The following THEMIS variants were observed in gnomAD, a reference collection of about 807,000 sequenced individuals.
THEMIS encodes protein THEMIS.
Under a neutral mutation model 52.6 loss-of-function variants are expected in THEMIS, and 37 were observed. That is an observed-to-expected ratio of 0.70 (90% CI 0.54 to 0.93). The LOEUF is 0.93. THEMIS is among the 40% of genes least tolerant of loss of function. The pLI is 0.00. For synonymous variants in THEMIS, 292 were observed against 272.7 expected, an observed-to-expected ratio of 1.07 and a Z score of -0.70; for missense variants, 808 against 763.1, an observed-to-expected ratio of 1.06 and a Z score of -0.69.
intron 5 of THEMIS, among the ~76,000 whole-genome samples, chr6:127,716,346 T>C (rs1774159060): frequency 6.6e-6 from 1 of 151,738 alleles, no homozygotes; most frequent in African/African-American, 2.4e-5. Flanking sequence ...CACATAATAA[T>C]CAGATCCTCC....
intron 1 of THEMIS, among the ~76,000 whole-genome samples, chr6:127,882,749 T>C (rs1310693837): frequency 1.3e-5 from 2 of 151,952 alleles, no homozygotes; most frequent in Non-Finnish European, 2.9e-5. Context: ...AAGCTTTTGT[T>C]TTGTCTAAGT....
chr6:127,724,563 C>A (rs1053216022), intron 4 of THEMIS, among the ~76,000 whole-genome samples: 3 of 152,038 alleles, frequency 2.0e-5, no homozygotes, highest in Non-Finnish European at 4.4e-5. Flanking sequence ...ATGCATCAGT[C>A]CTCTGTGACC....
At chr6:127,849,863 C>T (rs914369656) in intron 2 of THEMIS, among the ~76,000 whole-genome samples, 2 of 151,908 alleles carry the variant, frequency 1.3e-5, no homozygotes, top group Non-Finnish European at 2.9e-5. Context: ...ACACCAAAAG[C>T]AAATGCCACA....
Position 127,897,524 on chromosome 6 carries a change from C to T in THEMIS, c.91+3318G>A, listed in dbSNP as rs563785408. Among the ~76,000 whole-genome samples the T allele has an allele frequency of 1.9e-4, 28 of 151,232 alleles. No individual in the cohort carries two copies. In the South Asian group the frequency reaches 2.3e-3, roughly 12 times the overall value. On this transcript the variant is annotated intron_variant, in intron 1 of 5. Transcript: ENST00000368248. ...TGCAAAAAAGAGTATTTCCAAAAAT[C>T]CAAGAAATATATGAAAAGGTGCTCA... is the stretch of plus-strand genomic sequence containing the variant.
chr6:127,888,452 CCTATAAA>C (rs1780708962), intron 1 of THEMIS, among the ~76,000 whole-genome samples: 1 of 151,788 alleles, frequency 6.6e-6, no homozygotes, highest in Non-Finnish European at 1.5e-5. Context: ...TATGGGGTTC[CCTATAAA>C]GCATGGGGAA....
chr6:127,873,127 G>A (rs1780206209), intron 1 of THEMIS, among the ~76,000 whole-genome samples: 2 of 152,142 alleles, frequency 1.3e-5, no homozygotes, highest in Non-Finnish European at 2.9e-5. Flanking sequence ...AGATGTTGAT[G>A]TGAGAAATTA....
chr6:127,825,991 C>T (rs571749851), intron 3 of THEMIS, among the ~76,000 whole-genome samples: 4 of 152,120 alleles, frequency 2.6e-5, no homozygotes, highest in Non-Finnish European at 4.4e-5. Context: ...AATATTAATG[C>T]TTAGCCATAA....
intron 1 of THEMIS, among the ~76,000 whole-genome samples, chr6:127,898,923 A>G (rs975735725): frequency 6.6e-6 from 1 of 151,840 alleles, no homozygotes; most frequent in Admixed American, 6.6e-5. Context: ...AAAAATTGAT[A>G]TCATGGAGAT....
chr6:127,859,853 C>T (rs539475941), intron 1 of THEMIS, among the ~76,000 whole-genome samples: 1 of 152,168 alleles, frequency 6.6e-6, no homozygotes, highest in South Asian at 2.1e-4. Context: ...CTGATAGTGT[C>T]TGATAGAACC....
chr6:127,726,982 A>T (rs1401488099), intron 4 of THEMIS, among the ~76,000 whole-genome samples: 1 of 152,196 alleles, frequency 6.6e-6, no homozygotes, highest in Non-Finnish European at 1.5e-5. Flanking sequence ...TTTTAAGGAG[A>T]TAAAAATTCC....
chr6:127,903,750 G>A (rs1209399925), upstream of THEMIS, among the ~76,000 whole-genome samples: 5 of 143,780 alleles, frequency 3.5e-5, no homozygotes, highest in Non-Finnish European at 3.0e-5. Context: ...AAAAAAAAAA[G>A]CACATCCTTC....
intron 2 of THEMIS, among the ~76,000 whole-genome samples, chr6:127,848,421 A>G (rs1779298723): frequency 6.6e-6 from 1 of 151,930 alleles, no homozygotes; most frequent in South Asian, 2.1e-4. Flanking sequence ...ATGATTTATA[A>G]TCCTTTGGGT....
chr6:127,759,169 AC>A (rs2114376828), intron 4 of THEMIS, among the ~76,000 whole-genome samples: 1 of 152,290 alleles, frequency 6.6e-6, no homozygotes, highest in South Asian at 2.1e-4. Context: ...ATGAAGTAAT[AC>A]TTTTAAATAA....
chr6:127,906,655 A>G (rs1190094481), intron 1 of THEMIS, among the ~76,000 whole-genome samples: 5 of 151,964 alleles, frequency 3.3e-5, no homozygotes, highest in Non-Finnish European at 7.4e-5. Flanking sequence ...TAATAATTCA[A>G]ACAGGGAAGT....
chr6:127,877,491 G>A (rs917665940), intron 1 of THEMIS, among the ~76,000 whole-genome samples: 1 of 152,044 alleles, frequency 6.6e-6, no homozygotes, highest in Non-Finnish European at 1.5e-5. Context: ...CATTTAAGAG[G>A]CCAGCATAGG....
chr6:127,795,785 T>C (rs181708059), intron 4 of THEMIS, among the ~76,000 whole-genome samples: 211 of 152,340 alleles, frequency 1.4e-3, no homozygotes, highest in Admixed American at 3.5e-3. Flanking sequence ...TTCTTGACAC[T>C]GAAATTGCTT....
At chr6:127,743,429 A>G (rs1211908640) in intron 4 of THEMIS, among the ~76,000 whole-genome samples, 1 of 152,166 alleles carries the variant, frequency 6.6e-6, no homozygotes, top group Non-Finnish European at 1.5e-5. Flanking sequence ...TTCATTTAGA[A>G]ATATGACTGG....
chr6:127,714,025 GA>G (rs967947287), intron 5 of THEMIS, among the ~76,000 whole-genome samples: 5 of 150,192 alleles, frequency 3.3e-5, no homozygotes, highest in East Asian at 3.9e-4. Flanking sequence ...AGTAGCCATG[GA>G]AAAAAAAATG....
At position 127,885,749 on chromosome 6, in the gene THEMIS, A is replaced by G. The variant is rs1361782758; in HGVS notation, c.91+15093T>C. ...AATGACAACTTCTTGGCATTTACAA[A>G]TTGTTACAAGAAACACTTTTGAGCA... On this transcript the variant is annotated intron_variant, in intron 1 of 5. Transcript: ENST00000368248. 2.6e-5 allele frequency among the ~76,000 whole-genome samples: 4 copies of G among 152,162 alleles called. No individual in the cohort carries two copies. The East Asian group carries it at 7.7e-4, about 29-fold the overall frequency.
Sources: gnomAD v4.1 joint callset for allele counts (sites outside exome capture counted in the v4.1 genomes callset) on GRCh38, gnomAD v4.1.1 for gene constraint, MANE v1.5 for transcripts, NCBI Gene and HGNC (gene_info 2026-07-23, HGNC 2026-07-21) for gene names.